Variants in EPB41L5 observed in about 807,000 individuals in gnomAD.
EPB41L5 encodes erythrocyte membrane protein band 4.1 like 5, also known as band 4.1-like protein 5.
A neutral mutation model predicts 106.6 loss-of-function variants in EPB41L5; 55 were observed. The ratio of observed to expected loss-of-function variants is 0.52; its 90% CI spans 0.42 to 0.65. The LOEUF (loss-of-function observed/expected upper bound fraction) is 0.65. Ranked by LOEUF, EPB41L5 falls within the 30% of genes least tolerant of loss-of-function variation. EPB41L5 has a pLI of 0.00. For synonymous variants in EPB41L5, 297 were observed against 306.7 expected (o/e 0.97, Z 0.33); for missense variants, 871 against 882.1 (o/e 0.99, Z 0.16).
chr2:120,115,872 C>T (rs1684927324), intron 16 of EPB41L5, among the ~76,000 whole-genome samples: 1 of 152,070 alleles, frequency 6.6e-6, no homozygotes, highest in African/African-American at 2.4e-5. Flanking sequence ...TGCAGTGGCA[C>T]GATCTCAACT....
At chr2:120,137,698 G>A (rs139340399) in intron 18 of EPB41L5, among the ~76,000 whole-genome samples, 1,599 of 152,056 alleles carry the variant, frequency 0.011, 41 homozygotes, top group Admixed American at 0.055. Context: ...TAACAAGATC[G>A]AAGCTGTAAT....
At chr2:120,104,249 C>A (rs1328394480) in intron 16 of EPB41L5, 1 of 1,533,104 alleles carries the variant, frequency 6.5e-7, no homozygotes. Flanking sequence ...GAGTGTTGAG[C>A]CTCTTAGGCT....
At chr2:120,089,562 AT>A (rs1179030676) in intron 11 of EPB41L5, among the ~76,000 whole-genome samples, 1 of 152,030 alleles carries the variant, frequency 6.6e-6, no homozygotes, top group Non-Finnish European at 1.5e-5. Context: ...TTCATTCATC[AT>A]TTATTCATTT....
intron 10 of EPB41L5, among the ~76,000 whole-genome samples, chr2:120,086,192 TTC>T (rs1210936451): frequency 4.6e-5 from 7 of 152,166 alleles, no homozygotes; most frequent in African/African-American, 1.4e-4. Context: ...CAGAGTGAGA[TTC>T]TGTTTCCTTT....
rs758680451 is a variant in EPB41L5, at chr2:120,110,861, C to T, written c.1337+10047C>T. ...ATGTTGGCCAGGCTGGTCTCAAACC[C>T]CTGGCCTCAAATGATCCTGATCTGC... On this transcript the variant is annotated intron_variant, in intron 16 of 24. Coordinates refer to ENST00000263713, the MANE Select transcript of EPB41L5 (RefSeq NM_020909.4). 1.6e-4 allele frequency among the ~76,000 whole-genome samples: 24 copies of T among 151,998 alleles called. 1 individual carries two copies. Among genetic ancestry groups the T allele is most frequent in the Non-Finnish European group, 2.5e-4 (17 of 68,014 alleles).
chr2:120,145,471 CTG>C (rs1461222211), intron 19 of EPB41L5, among the ~76,000 whole-genome samples: 9 of 152,248 alleles, frequency 5.9e-5, no homozygotes, highest in Non-Finnish European at 1.0e-4. Flanking sequence ...TTATATGAAA[CTG>C]TGTAAAGTAT....
chr2:120,050,527 G>C (rs1048913312), intron 3 of EPB41L5, among the ~76,000 whole-genome samples: 3 of 152,122 alleles, frequency 2.0e-5, no homozygotes, highest in Admixed American at 2.0e-4. Context: ...TTAAGGACTT[G>C]TCTACACTAG....
intron 24 of EPB41L5, among the ~76,000 whole-genome samples, chr2:120,169,214 AATG>A (rs1447764704): frequency 3.3e-5 from 5 of 152,214 alleles, no homozygotes; most frequent in Admixed American, 6.5e-5. Flanking sequence ...TTATGAAAAA[AATG>A]ATGATGCAAT....
chr2:120,111,308 T>C (rs1020098234), intron 16 of EPB41L5, among the ~76,000 whole-genome samples: 1 of 152,212 alleles, frequency 6.6e-6, no homozygotes, highest in African/African-American at 2.4e-5. Context: ...ATGTTCAAAA[T>C]TGGACAAATA....
chr2:120,024,333 A>G (rs888132677), intron 2 of EPB41L5, among the ~76,000 whole-genome samples: 4 of 152,124 alleles, frequency 2.6e-5, no homozygotes, highest in Non-Finnish European at 5.9e-5. Context: ...AAAGCTCTTA[A>G]ATTATTTTAA....
At chr2:120,061,287 A>T (rs1238451222) in intron 3 of EPB41L5, among the ~76,000 whole-genome samples, 3 of 139,468 alleles carry the variant, frequency 2.2e-5, no homozygotes, top group African/African-American at 8.1e-5. Context: ...CAGTGGCGGG[A>T]TCTCGGCTCA....
In EPB41L5 at chr2:120,167,575, G is replaced by A. The variant is rs1191954652; in HGVS notation, c.2004+68G>A. On this transcript the variant is annotated intron_variant, in intron 23 of 24. Transcript: ENST00000263713. The stretch of plus-strand genomic sequence containing the variant: ...CAGGGTAAGGCCTAAAGGATTACTA[G>A]GTTCTTTGTTTTTCCTTAAAAACAT... 7 of 1,492,730 alleles carry A rather than the reference G, an allele frequency of 4.7e-6. No homozygotes were observed. The African/African-American group carries it at 7.0e-5, about 15-fold the overall frequency. 92.5% of individuals were successfully genotyped at this position (1,492,730 alleles called of 1,614,324 possible).
chr2:120,133,214 A>AT (rs1439060127), intron 18 of EPB41L5, among the ~76,000 whole-genome samples: 1 of 152,188 alleles, frequency 6.6e-6, no homozygotes, highest in Non-Finnish European at 1.5e-5. Flanking sequence ...GGCCAAATAT[A>AT]ACCCTCCAGT....
chr2:120,041,675 C>T (rs1679415422), intron 2 of EPB41L5, among the ~76,000 whole-genome samples: 1 of 152,084 alleles, frequency 6.6e-6, no homozygotes, highest in Admixed American at 6.6e-5. Context: ...CATTATGGCC[C>T]TTTTAAAGTA....
chr2:120,165,005 T>A, intron 22 of EPB41L5, 95 bp downstream of exon 22: 1 of 900,522 alleles, frequency 1.1e-6, no homozygotes, highest in Non-Finnish European at 1.7e-6. Flanking sequence ...ATAATTCAGT[T>A]AAACTTTTCA....
At chr2:120,072,430 G>A (rs180993989) in intron 3 of EPB41L5, among the ~76,000 whole-genome samples, 10 of 152,232 alleles carry the variant, frequency 6.6e-5, no homozygotes, top group East Asian at 1.9e-4. Context: ...CCATTACTGC[G>A]TATATACCCA....
rs533947700 is a variant in EPB41L5 at position 120,034,152 on chromosome 2, T to C, written c.181-7854T>C. 4.9e-4 allele frequency among the ~76,000 whole-genome samples: 74 copies of C among 152,318 alleles called. 1 individual carries two copies. Among genetic ancestry groups the C allele is most frequent in the Middle Eastern group, 3.4e-3 (1 of 294 alleles). ...ACCTATAAATGTCTTGTGTTCACTATTGGTTGTCTTAGAACTAGCATCTGT... is the reference window on the plus strand; with the variant it reads ...ACCTATAAATGTCTTGTGTTCACTACTGGTTGTCTTAGAACTAGCATCTGT... On this transcript the variant is annotated intron_variant, in intron 2 of 24. Transcript: ENST00000263713.
At chr2:120,028,162 C>T (rs560555411) in intron 2 of EPB41L5, among the ~76,000 whole-genome samples, 8 of 152,116 alleles carry the variant, frequency 5.3e-5, no homozygotes, top group African/African-American at 1.7e-4. Flanking sequence ...CCGCGCCCGG[C>T]CGGAAGTTAT....
chr2:120,075,824 G>A (rs1682195692), intron 7 of EPB41L5, 71 bp downstream of exon 7: 1 of 1,212,854 alleles, frequency 8.2e-7, no homozygotes, highest in Non-Finnish European at 1.2e-6. Context: ...AGTTAAAGAA[G>A]ATTCTAATTA....
Sources: gnomAD v4.1 joint callset for allele counts (sites outside exome capture counted in the v4.1 genomes callset) on GRCh38, gnomAD v4.1.1 for gene constraint, MANE v1.5 for transcripts, NCBI Gene and HGNC (gene_info 2026-07-23, HGNC 2026-07-21) for gene names.